Variants in DPP10 observed in about 807,000 individuals in gnomAD.
DPP10 encodes dipeptidyl peptidase like 10.
DPP10 carries 33 observed loss-of-function variants against 120.9 expected under a neutral mutation model. The ratio of observed to expected loss-of-function variants is 0.27; its 90% CI spans 0.21 to 0.37. The LOEUF (loss-of-function observed/expected upper bound fraction) is 0.37. Ranked by LOEUF, DPP10 falls within the 10% of genes least tolerant of loss-of-function variation. DPP10 has a pLI of 1.00. For synonymous variants in DPP10, 337 were observed against 326.1 expected (o/e 1.03, Z -0.36); for missense variants, 816 against 942.8 (o/e 0.87, Z 1.76).
chr2:115,096,138 T>G (rs966466963), intron 1 of DPP10, among the ~76,000 whole-genome samples: 1 of 152,154 alleles, frequency 6.6e-6, no homozygotes, highest in Non-Finnish European at 1.5e-5. Context: ...CCAAACTATG[T>G]GTCAAAGTGC....
intron 19 of DPP10, among the ~76,000 whole-genome samples, chr2:115,801,587 T>C (rs190318682): frequency 5.4e-4 from 82 of 152,322 alleles, no homozygotes; most frequent in African/African-American, 1.9e-3. Flanking sequence ...AAATAGCTCT[T>C]ATTATTTGAG....
chr2:115,011,535 G>A (rs1199126476), intron 1 of DPP10, among the ~76,000 whole-genome samples: 1 of 152,062 alleles, frequency 6.6e-6, no homozygotes, highest in African/African-American at 2.4e-5. Context: ...AATCTACTTT[G>A]TCTAATATTA....
intron 1 of DPP10, among the ~76,000 whole-genome samples, chr2:114,783,145 TTAAAG>T (rs1220938192): frequency 6.6e-6 from 1 of 152,064 alleles, no homozygotes; most frequent in Non-Finnish European, 1.5e-5. Context: ...AAAAGCTAAA[TTAAAG>T]TATCTAAAAG....
At chr2:114,737,377 T>C (rs915168203) in intron 1 of DPP10, among the ~76,000 whole-genome samples, 2 of 152,300 alleles carry the variant, frequency 1.3e-5, no homozygotes, top group South Asian at 2.1e-4. Context: ...TCTTGCAGTT[T>C]ACTACAAGTT....
intron 1 of DPP10, among the ~76,000 whole-genome samples, chr2:115,197,628 A>G (rs1364461839): frequency 6.6e-6 from 1 of 152,156 alleles, no homozygotes; most frequent in Non-Finnish European, 1.5e-5. Flanking sequence ...AAGCATTGAC[A>G]TCAGATTTTC....
At chr2:114,932,641 TGG>T (rs1056686717) in intron 1 of DPP10, among the ~76,000 whole-genome samples, 6 of 152,264 alleles carry the variant, frequency 3.9e-5, no homozygotes, top group African/African-American at 1.4e-4. Flanking sequence ...ATAGTGTAAC[TGG>T]GGTTGGGATG....
At chr2:114,841,380 T>A (rs1462321243) in intron 1 of DPP10, among the ~76,000 whole-genome samples, 1 of 152,158 alleles carries the variant, frequency 6.6e-6, no homozygotes, top group Non-Finnish European at 1.5e-5. Context: ...CTAAGAAATC[T>A]CAGCAGTGCA....
At chr2:115,321,574 C>T (rs541725677) in intron 2 of DPP10, among the ~76,000 whole-genome samples, 1 of 123,672 alleles carries the variant, frequency 8.1e-6, no homozygotes, top group African/African-American at 2.9e-5. Context: ...ATGTCCTTTG[C>T]CAAATTTGGC....
intron 1 of DPP10, among the ~76,000 whole-genome samples, chr2:114,664,250 A>C (rs1309522737): frequency 6.6e-6 from 1 of 151,838 alleles, no homozygotes; most frequent in Non-Finnish European, 1.5e-5. Flanking sequence ...TGAAGAGAAA[A>C]TTAACAAGAA....
chr2:114,464,572 G>A (rs964227239), intron 1 of DPP10, among the ~76,000 whole-genome samples: 1 of 152,106 alleles, frequency 6.6e-6, no homozygotes, highest in Admixed American at 6.6e-5. Flanking sequence ...TCTTAACAGT[G>A]TCCTTCACAG....
chr2:115,615,668 G>T (rs773943689), intron 5 of DPP10, among the ~76,000 whole-genome samples: 2 of 152,022 alleles, frequency 1.3e-5, no homozygotes, highest in Non-Finnish European at 2.9e-5. Context: ...TTTCAAATTG[G>T]TAAGTCATAT....
At chr2:115,290,410 A>ATGT (rs1474745824) in intron 1 of DPP10, among the ~76,000 whole-genome samples, 40 of 152,264 alleles carry the variant, frequency 2.6e-4, no homozygotes, top group Middle Eastern at 6.8e-3. Context: ...GTGGATAAAT[A>ATGT]GGCAGGTGGA....
intron 1 of DPP10, among the ~76,000 whole-genome samples, chr2:115,010,031 T>G (rs1188999089): frequency 1.3e-5 from 2 of 152,192 alleles, no homozygotes; most frequent in Non-Finnish European, 2.9e-5. Flanking sequence ...AATATTTTTG[T>G]GTTTATCTTA....
At chr2:114,797,170 A>G (rs1683790308) in intron 1 of DPP10, among the ~76,000 whole-genome samples, 1 of 152,192 alleles carries the variant, frequency 6.6e-6, no homozygotes, top group South Asian at 2.1e-4. Context: ...ATTAATGTAA[A>G]TCTAGGTAGC....
At chr2:114,909,787 T>C (rs192146069) in intron 1 of DPP10, among the ~76,000 whole-genome samples, 20 of 152,126 alleles carry the variant, frequency 1.3e-4, no homozygotes, top group Admixed American at 8.5e-4. Context: ...CAAACACAAA[T>C]CTTCTTTATA....
At chr2:115,461,476 G>A (rs903127079) in intron 3 of DPP10, among the ~76,000 whole-genome samples, 1 of 152,028 alleles carries the variant, frequency 6.6e-6, no homozygotes, top group African/African-American at 2.4e-5. Flanking sequence ...ATAGTTAACC[G>A]ATATCATATT....
intron 5 of DPP10, among the ~76,000 whole-genome samples, chr2:115,622,336 G>A (rs1482547972): frequency 6.6e-6 from 1 of 152,022 alleles, no homozygotes; most frequent in Non-Finnish European, 1.5e-5. Context: ...GAGATTCATA[G>A]GTGTTGTAGC....
chr2:115,138,496 T>C (rs575026710), intron 1 of DPP10, among the ~76,000 whole-genome samples: 1 of 152,348 alleles, frequency 6.6e-6, no homozygotes, highest in South Asian at 2.1e-4. Context: ...TTTTTTCTTT[T>C]AGAACACATT....
chr2:114,855,511 G>T (rs555036687), intron 1 of DPP10, among the ~76,000 whole-genome samples: 1 of 152,222 alleles, frequency 6.6e-6, no homozygotes, highest in East Asian at 1.9e-4. Context: ...AATTTCAGAA[G>T]GTTTAAAAAG....
Sources: gnomAD v4.1 joint callset for allele counts (sites outside exome capture counted in the v4.1 genomes callset) on GRCh38, gnomAD v4.1.1 for gene constraint, MANE v1.5 for transcripts, NCBI Gene and HGNC (gene_info 2026-07-23, HGNC 2026-07-21) for gene names.